PTPN4: variants seen among roughly 807,000 people sequenced by gnomAD.
The protein encoded by PTPN4 is protein tyrosine phosphatase non-receptor type 4.
A neutral mutation model predicts 135.5 loss-of-function variants in PTPN4; 49 were observed. The ratio of observed to expected loss-of-function variants is 0.36; its 90% confidence interval spans 0.29 to 0.46. The LOEUF (loss-of-function observed/expected upper bound fraction) is 0.46. PTPN4 is among the 20% of genes least tolerant of loss of function. The probability of loss-of-function intolerance (pLI) is 1.00; values close to 1 mark genes in which losing one functional copy is unlikely to be tolerated. For synonymous variants in PTPN4, 333 were observed against 369.9 expected, an observed-to-expected ratio of 0.90 and a Z score of 1.14; for missense variants, 860 against 1,101.0, an observed-to-expected ratio of 0.78 and a Z score of 3.10.
Position 119,924,031 on chromosome 2 carries a change from G to A in PTPN4, c.1002-2567G>A, listed in dbSNP as rs528108857. Among the ~76,000 whole-genome samples, 37 of 151,722 alleles carry A rather than the reference G, an allele frequency of 2.4e-4. 1 individual carries two copies. In the South Asian group the frequency reaches 7.5e-3, roughly 31 times the overall value. ...GGGCACCTGTAGTCCCAGTTACTCG[G>A]GAGGCTGAGGCAGAAGAATGGCGTG... On this transcript the variant is annotated intron_variant, in intron 12 of 26. Coordinates refer to ENST00000263708, the MANE Select transcript of PTPN4 (RefSeq NM_002830.4).
At chr2:119,944,215 A>G (rs1303832501) in intron 15 of PTPN4, among the ~76,000 whole-genome samples, 2 of 152,168 alleles carry the variant, frequency 1.3e-5, no homozygotes, top group Non-Finnish European at 2.9e-5. Context: ...TAATTCTTTT[A>G]TCAGATAATA....
intron 2 of PTPN4, among the ~76,000 whole-genome samples, chr2:119,841,433 A>T (rs1201312994): frequency 6.6e-6 from 1 of 152,116 alleles, no homozygotes; most frequent in Non-Finnish European, 1.5e-5. Flanking sequence ...GTTACCTGCT[A>T]CTTTTCCTCT....
intron 3 of PTPN4, among the ~76,000 whole-genome samples, chr2:119,867,508 T>C (rs1028364529): frequency 1.3e-5 from 2 of 152,120 alleles, no homozygotes; most frequent in African/African-American, 4.8e-5. Context: ...AACATGCAAA[T>C]AGTATTGTTG....
chr2:119,929,124 G>A (rs1443667805), intron 13 of PTPN4, among the ~76,000 whole-genome samples: 2 of 152,024 alleles, frequency 1.3e-5, no homozygotes, highest in Non-Finnish European at 2.9e-5. Context: ...TTCTGGAATT[G>A]TGTGGTTCCT....
chr2:119,855,754 G>T (rs755917073), intron 2 of PTPN4, among the ~76,000 whole-genome samples: 2 of 152,084 alleles, frequency 1.3e-5, no homozygotes, highest in Non-Finnish European at 2.9e-5. Context: ...TCATACAAGG[G>T]TCTGGAATTC....
chr2:119,962,411 G>A (rs1679378582), intron 23 of PTPN4, among the ~76,000 whole-genome samples: 1 of 151,448 alleles, frequency 6.6e-6, no homozygotes, highest in East Asian at 1.9e-4. Flanking sequence ...CCAAGATCGT[G>A]CTATTGCACT....
At chr2:119,788,303 A>G (rs1317035760) in intron 1 of PTPN4, among the ~76,000 whole-genome samples, 1 of 152,182 alleles carries the variant, frequency 6.6e-6, no homozygotes, top group Non-Finnish European at 1.5e-5. Context: ...CTAATACCAC[A>G]AATTTCACAA....
At chr2:119,785,982 G>A (rs1031714026) in intron 1 of PTPN4, among the ~76,000 whole-genome samples, 1 of 152,170 alleles carries the variant, frequency 6.6e-6, no homozygotes, top group Non-Finnish European at 1.5e-5. Context: ...AGTTGATTTA[G>A]TGTAATGGAT....
chr2:119,893,183 G>T (rs906821907), intron 9 of PTPN4, among the ~76,000 whole-genome samples: 1 of 152,198 alleles, frequency 6.6e-6, no homozygotes, highest in African/African-American at 2.4e-5. Flanking sequence ...GAGACTGTTG[G>T]AGTGATCCAG....
chr2:119,869,933 A>T (rs914517650), intron 3 of PTPN4, among the ~76,000 whole-genome samples: 1 of 152,242 alleles, frequency 6.6e-6, no homozygotes, highest in Non-Finnish European at 1.5e-5. Context: ...TTTCTGGGTA[A>T]TGTAGTACGG....
intron 19 of PTPN4, among the ~76,000 whole-genome samples, chr2:119,952,374 T>C (rs958564729): frequency 2.6e-5 from 4 of 152,110 alleles, no homozygotes; most frequent in Non-Finnish European, 5.9e-5. Flanking sequence ...GATCTTCCAA[T>C]CTAATCGACT....
intron 14 of PTPN4, among the ~76,000 whole-genome samples, chr2:119,932,873 T>A (rs1029939502): frequency 1.3e-5 from 2 of 152,150 alleles, no homozygotes; most frequent in Admixed American, 1.3e-4. Context: ...GTTGTTGACA[T>A]ACTCATTTTT....
intron 2 of PTPN4, among the ~76,000 whole-genome samples, chr2:119,849,822 A>G (rs942901235): frequency 9.2e-5 from 14 of 152,194 alleles, no homozygotes; most frequent in African/African-American, 3.4e-4. Context: ...GATTTCTGTT[A>G]GGTTAACTAC....
rs762877130 is a variant in PTPN4 at position 119,934,866 on chromosome 2, C to A, written c.1263C>A (p.Asp421Glu). 1.2e-6 allele frequency: 2 copies of A among 1,613,692 alleles called. No individual in the cohort carries two copies. The highest frequency in any genetic ancestry group is 2.2e-5 in the South Asian group (2 of 91,062). ...CATCTTCAGTTGGTCATTTGGTAGA[C>A]CATATGGTTCATACTTCCCCAAGCG... is the stretch of plus-strand genomic sequence containing the variant. Reference protein sequence around the residue: ...LRPSSVGHLVDHMVHTSPSEV... With the variant: ...LRPSSVGHLVEHMVHTSPSEV... The change falls in exon 15 of 27, where the codon GAC becomes GAA. Residue 421 changes from aspartate (D) to glutamate (E), a missense_variant. By Grantham distance (45) the Asp-to-Glu change is conservative. Transcript: ENST00000263708.
chr2:119,795,410 A>G (rs748628946), intron 1 of PTPN4, among the ~76,000 whole-genome samples: 1 of 152,202 alleles, frequency 6.6e-6, no homozygotes, highest in African/African-American at 2.4e-5. Context: ...GGCCAGTGCT[A>G]AGCGGGCCTC....
At chr2:119,811,442 A>G (rs1687340626) in intron 2 of PTPN4, among the ~76,000 whole-genome samples, 1 of 152,158 alleles carries the variant, frequency 6.6e-6, no homozygotes, top group Non-Finnish European at 1.5e-5. Flanking sequence ...GTGCTTTTCT[A>G]AAAAGCTAAA....
intron 2 of PTPN4, among the ~76,000 whole-genome samples, chr2:119,824,068 A>G (rs535468700): frequency 2.6e-5 from 4 of 152,206 alleles, no homozygotes. Flanking sequence ...GGCATTATTT[A>G]TATGTATGTC....
At chr2:119,871,103 G>A (rs1271583432) in intron 3 of PTPN4, among the ~76,000 whole-genome samples, 3 of 149,874 alleles carry the variant, frequency 2.0e-5, no homozygotes, top group African/African-American at 7.4e-5. Flanking sequence ...AATAACAAAC[G>A]TGACAAGATA....
intron 1 of PTPN4, among the ~76,000 whole-genome samples, chr2:119,766,484 CTGT>C (rs1690631904): frequency 6.3e-4 from 65 of 103,916 alleles, no homozygotes; most frequent in African/African-American, 2.7e-3. Context: ...GTGTGTGTGT[CTGT>C]GTGTGTGTGT....
Sources: allele counts gnomAD v4.1 joint callset (sites outside exome capture counted in the v4.1 genomes callset), GRCh38; gene constraint gnomAD v4.1.1; transcripts MANE v1.5; gene names NCBI Gene and HGNC (gene_info 2026-07-23, HGNC 2026-07-21).